THRB: variants seen among roughly 807,000 people sequenced by gnomAD.
THRB encodes the protein nuclear receptor subfamily 1 group A member 2.
In THRB, 12 loss-of-function variants were observed where a neutral mutation model predicts 47.8. That is an observed-to-expected ratio of 0.25 (90% CI 0.16 to 0.41). THRB has a LOEUF of 0.41. THRB is among the 10% of genes least tolerant of loss of function. THRB has a pLI of 1.00. For synonymous variants in THRB, 218 were observed against 212.2 expected, an observed-to-expected ratio of 1.03 and a Z score of -0.24; for missense variants, 348 against 589.2, an observed-to-expected ratio of 0.59 and a Z score of 4.24.
chr3:24,234,325 T>C (rs750570731), intron 3 of THRB, among the ~76,000 whole-genome samples: 22 of 152,324 alleles, frequency 1.4e-4, no homozygotes, highest in Middle Eastern at 3.4e-3. Context: ...CTATGGACTT[T>C]GATCATTCTT....
intron 3 of THRB, among the ~76,000 whole-genome samples, chr3:24,278,932 A>G (rs2054222442): frequency 6.6e-6 from 1 of 151,204 alleles, no homozygotes; most frequent in African/African-American, 2.5e-5. Flanking sequence ...GCAGCCTTGA[A>G]CTCCTGGGAT....
intron 10 of THRB, among the ~76,000 whole-genome samples, chr3:24,124,228 T>TAACA (rs2032274539): frequency 6.6e-6 from 1 of 152,216 alleles, no homozygotes; most frequent in African/African-American, 2.4e-5. Context: ...CTAAACAAAC[T>TAACA]AACAAACCAT....
At chr3:24,467,928 A>G (rs893578906) in intron 1 of THRB, among the ~76,000 whole-genome samples, 5 of 152,234 alleles carry the variant, frequency 3.3e-5, no homozygotes, top group African/African-American at 1.2e-4. Context: ...TCTAGCTATG[A>G]AAGTCCTAGA....
chr3:24,277,267 C>T (rs577072660), intron 3 of THRB, among the ~76,000 whole-genome samples: 23 of 152,266 alleles, frequency 1.5e-4, no homozygotes, highest in African/African-American at 5.5e-4. Flanking sequence ...GTGCCACGGG[C>T]ATCTAGTGGG....
chr3:24,364,383 G>A (rs980677670), intron 1 of THRB, among the ~76,000 whole-genome samples: 11 of 152,264 alleles, frequency 7.2e-5, no homozygotes, highest in African/African-American at 2.2e-4. Flanking sequence ...TTTTCTAAAT[G>A]TCTACTATAT....
At chr3:24,444,704 G>A (rs1459722100) in intron 1 of THRB, among the ~76,000 whole-genome samples, 9 of 152,048 alleles carry the variant, frequency 5.9e-5, no homozygotes, top group African/African-American at 1.9e-4. Flanking sequence ...TTCCGGGTTC[G>A]AGCCTCTCAA....
At chr3:24,317,019 A>C (rs1044041812) in intron 2 of THRB, among the ~76,000 whole-genome samples, 1 of 152,140 alleles carries the variant, frequency 6.6e-6, no homozygotes, top group Admixed American at 6.6e-5. Flanking sequence ...CTGTCTCCCC[A>C]AATCGGTTAA....
At chr3:24,128,262 T>G (rs1416879080) in intron 9 of THRB, among the ~76,000 whole-genome samples, 1 of 152,174 alleles carries the variant, frequency 6.6e-6, no homozygotes, top group East Asian at 1.9e-4. Flanking sequence ...GCTAGAGGGT[T>G]GTTGGCAGAG....
At chr3:24,340,908 G>A (rs994478809) in intron 1 of THRB, among the ~76,000 whole-genome samples, 1 of 152,054 alleles carries the variant, frequency 6.6e-6, no homozygotes, top group African/African-American at 2.4e-5. Context: ...CTTCTGATAC[G>A]TTTAAACATT....
chr3:24,389,371 A>C (rs1424100171), intron 1 of THRB, among the ~76,000 whole-genome samples: 1 of 152,196 alleles, frequency 6.6e-6, no homozygotes, highest in East Asian at 1.9e-4. Context: ...TGAGACTATA[A>C]AAGGGCAAGT....
chr3:24,135,847 A>ATAAAAATT (rs371175625), intron 8 of THRB, among the ~76,000 whole-genome samples: 8 of 131,004 alleles, frequency 6.1e-5, no homozygotes, highest in South Asian at 4.7e-4. Flanking sequence ...ATATATATAT[A>ATAAAAATT]ATACATAAAT....
At chr3:24,280,961 T>C (rs1276074209) in intron 3 of THRB, among the ~76,000 whole-genome samples, 13 of 152,174 alleles carry the variant, frequency 8.5e-5, no homozygotes, top group Non-Finnish European at 1.3e-4. Context: ...CTACGTCTGA[T>C]TGGTGTACCT....
At chr3:24,181,010 G>C (rs1397750522) in intron 5 of THRB, among the ~76,000 whole-genome samples, 2 of 152,176 alleles carry the variant, frequency 1.3e-5, no homozygotes, top group African/African-American at 2.4e-5. Context: ...AATGTGAAGA[G>C]GGAAGAAGCC....
At chr3:24,317,024 G>A (rs891958807) in intron 2 of THRB, among the ~76,000 whole-genome samples, 7 of 152,112 alleles carry the variant, frequency 4.6e-5, no homozygotes, top group Non-Finnish European at 8.8e-5. Flanking sequence ...TCCCCAAATC[G>A]GTTAAGAGTT....
chr3:24,170,374 A>T (rs1205836441), intron 5 of THRB, among the ~76,000 whole-genome samples: 1 of 152,120 alleles, frequency 6.6e-6, no homozygotes, highest in Non-Finnish European at 1.5e-5. Context: ...TGGCTTTCTC[A>T]TTAGCTTTGG....
chr3:24,362,099 T>C (rs2064115008), intron 1 of THRB, among the ~76,000 whole-genome samples: 2 of 152,114 alleles, frequency 1.3e-5, no homozygotes, highest in Admixed American at 1.3e-4. Flanking sequence ...TATATCTCAT[T>C]TATTCTCAAA....
At chr3:24,310,168 C>T (rs1178915692) in intron 2 of THRB, among the ~76,000 whole-genome samples, 2 of 152,146 alleles carry the variant, frequency 1.3e-5, no homozygotes, top group Non-Finnish European at 1.5e-5. Context: ...TTCAATCATG[C>T]TACTACTTAC....
At chr3:24,226,631 C>T (rs1357267488) in intron 4 of THRB, among the ~76,000 whole-genome samples, 1 of 152,188 alleles carries the variant, frequency 6.6e-6, no homozygotes, top group East Asian at 1.9e-4. Flanking sequence ...TACCCTAGAG[C>T]TGTCTAGGAG....
intron 1 of THRB, among the ~76,000 whole-genome samples, chr3:24,442,963 A>C (rs1316689852): frequency 7.2e-6 from 1 of 139,526 alleles, no homozygotes; most frequent in Non-Finnish European, 1.7e-5. Context: ...CGGGTGGATC[A>C]CTAGGTCAGG....
Sources: gnomAD v4.1 joint callset for allele counts (sites outside exome capture counted in the v4.1 genomes callset) on GRCh38, gnomAD v4.1.1 for gene constraint, MANE v1.5 for transcripts, NCBI Gene and HGNC (gene_info 2026-07-23, HGNC 2026-07-21) for gene names.